The following LAMA1 variants were observed in gnomAD, a reference collection of about 807,000 sequenced individuals.
LAMA1 encodes laminin subunit alpha 1.
LAMA1 carries 219 observed loss-of-function variants against 348.7 expected under a neutral mutation model. The ratio of observed to expected loss-of-function variants is 0.63; its 90% CI spans 0.56 to 0.70. The LOEUF (loss-of-function observed/expected upper bound fraction) is 0.70, where lower values mean the gene tolerates loss of function less well. Ranked by LOEUF, LAMA1 falls within the 30% of genes least tolerant of loss-of-function variation. The pLI, the probability that LAMA1 is intolerant of heterozygous loss-of-function variation, is 0.00. For synonymous variants in LAMA1, 1,487 were observed against 1,491.0 expected, an observed-to-expected ratio of 1.00 and a Z score of 0.06; for missense variants, 3,744 against 3,888.0, an observed-to-expected ratio of 0.96 and a Z score of 0.99.
At chr18:7,089,382 T>C (rs965351857) in intron 1 of LAMA1, among the ~76,000 whole-genome samples, 2 of 152,066 alleles carry the variant, frequency 1.3e-5, no homozygotes, top group Non-Finnish European at 2.9e-5. Flanking sequence ...AAAACGCTGG[T>C]AGGGAAGGTG....
In LAMA1 at chr18:6,996,412, C is replaced by T. The variant is rs112114792; in HGVS notation, c.4807-966G>A. Reference sequence around the variant, plus strand: ...CCTTTTATTGCTACCTGGTGCACTGCATAGATTATGTCAAATTCTAACGCA... The same window carrying T: ...CCTTTTATTGCTACCTGGTGCACTGTATAGATTATGTCAAATTCTAACGCA... On this transcript the variant is annotated intron_variant, in intron 33 of 62. Coordinates refer to ENST00000389658, the MANE Select transcript of LAMA1 (RefSeq NM_005559.4). Among the ~76,000 whole-genome samples the T allele has an allele frequency of 6.4e-4, 98 of 152,272 alleles. No individual in the cohort carries two copies. The South Asian group carries it at 8.5e-3, about 13-fold the overall frequency.
chr18:7,018,520 C>T (rs1367212073), intron 19 of LAMA1, among the ~76,000 whole-genome samples: 5 of 150,536 alleles, frequency 3.3e-5, no homozygotes, highest in Admixed American at 1.3e-4. Context: ...CTCAGCCTCC[C>T]GAGTAGCTGG....
At chr18:7,007,371 C>G in intron 28 of LAMA1, 95 bp from the exon 29 acceptor site, 1 of 1,256,576 alleles carries the variant, frequency 8.0e-7, no homozygotes, top group Non-Finnish European at 1.1e-6. Context: ...TACAAATGGC[C>G]AACAGGTATG....
chr18:7,050,915 T>C lies in LAMA1; in HGVS notation c.367A>G (p.Ile123Val). Residue 123 changes from isoleucine (I) to valine (V), a missense_variant, in exon 4 of 63, where the codon ATC becomes GTC. Around this residue, in one of 3 missense-constraint regions of LAMA1, gnomAD observed 1,529 missense variants for 1,689.4 expected, o/e 0.91. Coordinates refer to ENST00000389658, the MANE Select transcript of LAMA1 (RefSeq NM_005559.4). Reference protein sequence around the residue: ...LRQVFQVAYVIIKAANAPRPG... With the variant: ...LRQVFQVAYVVIKAANAPRPG... ...CGAGGGGCATTGGCAGCTTTAATGATGACATATGCAACTTGAAAGACCTGA... is the reference window on the plus strand; with the variant it reads ...CGAGGGGCATTGGCAGCTTTAATGACGACATATGCAACTTGAAAGACCTGA... 6.2e-7 allele frequency: 1 copy of C among 1,614,152 alleles called. No individual in the cohort carries two copies.
chr18:7,079,635 T>C, intron 3 of LAMA1: 1 of 377,112 alleles, frequency 2.7e-6, no homozygotes, highest in South Asian at 2.4e-5. Context: ...AGGAAATACA[T>C]GTGTTTTCCC....
intron 1 of LAMA1, among the ~76,000 whole-genome samples, chr18:7,116,066 G>C (rs1460488127): frequency 1.3e-5 from 2 of 152,138 alleles, no homozygotes; most frequent in African/African-American, 4.8e-5. Flanking sequence ...AATGCGATAT[G>C]AAACATTAAA....
At chr18:6,978,163 C>T (rs750667349) in intron 43 of LAMA1, 33 bp downstream of exon 43, 4 of 1,613,252 alleles carry the variant, frequency 2.5e-6, no homozygotes, top group South Asian at 1.1e-5. Flanking sequence ...ATGACGCAGA[C>T]GATCATGACT....
intron 4 of LAMA1, among the ~76,000 whole-genome samples, chr18:7,050,326 G>A (rs1434830973): frequency 1.3e-5 from 2 of 152,190 alleles, no homozygotes; most frequent in East Asian, 3.9e-4. Context: ...AGAGTCTCCA[G>A]TGCTCACCAC....
intron 1 of LAMA1, among the ~76,000 whole-genome samples, chr18:7,098,421 C>G (rs572378851): frequency 4.0e-5 from 6 of 150,972 alleles, no homozygotes; most frequent in African/African-American, 1.5e-4. Context: ...TCTTCCCGGC[C>G]GCCATCACAT....
intron 3 of LAMA1, among the ~76,000 whole-genome samples, chr18:7,073,325 T>G (rs575730997): frequency 8.9e-4 from 136 of 152,230 alleles, no homozygotes; most frequent in African/African-American, 2.9e-3. Context: ...GCATTAAGTA[T>G]ATTCACACTG....
At chr18:7,027,296 AT>A (rs1164906867) in intron 16 of LAMA1, among the ~76,000 whole-genome samples, 1 of 152,212 alleles carries the variant, frequency 6.6e-6, no homozygotes, top group Non-Finnish European at 1.5e-5. Context: ...CAAAATGGCC[AT>A]TGTCTATGCA....
chr18:6,973,323 C>G, intron 46 of LAMA1, 116 bp from the exon 47 acceptor site: 1 of 899,444 alleles, frequency 1.1e-6, no homozygotes, highest in South Asian at 1.4e-5. Flanking sequence ...GCAACAGCAC[C>G]CCCCTGCTGG....
At chr18:6,996,215 G>A (rs1197858234) in intron 33 of LAMA1, among the ~76,000 whole-genome samples, 1 of 151,964 alleles carries the variant, frequency 6.6e-6, no homozygotes, top group Non-Finnish European at 1.5e-5. Flanking sequence ...ACATCTCTTA[G>A]AGGTCCCTAA....
intron 14 of LAMA1, among the ~76,000 whole-genome samples, chr18:7,034,158 C>A (rs1448718021): frequency 6.6e-6 from 1 of 152,188 alleles, no homozygotes; most frequent in Non-Finnish European, 1.5e-5. Context: ...AGACCATTAA[C>A]ATTAGGATGG....
chr18:6,997,327 G>C (rs903419751), intron 33 of LAMA1, among the ~76,000 whole-genome samples: 1 of 152,208 alleles, frequency 6.6e-6, no homozygotes, highest in African/African-American at 2.4e-5. Context: ...CCCCCAAAGT[G>C]CTGGGATGCT....
chr18:6,949,380 T>C (rs988215334), intron 58 of LAMA1, 121 bp from the exon 59 acceptor site: 81 of 975,054 alleles, frequency 8.3e-5, no homozygotes, highest in Non-Finnish European at 1.2e-4. Flanking sequence ...AATGCAATGC[T>C]AAAGGAAGGT....
chr18:6,978,421 A>G (rs752059424), intron 42 of LAMA1, 43 bp from the exon 43 acceptor site: 3 of 1,519,122 alleles, frequency 2.0e-6, no homozygotes, highest in East Asian at 4.5e-5. Flanking sequence ...TGGTGCTTAC[A>G]CACAGAGAAA....
chr18:6,943,129 C>T, intron 62 of LAMA1, 51 bp downstream of exon 62: 1 of 1,504,826 alleles, frequency 6.6e-7, no homozygotes, highest in Non-Finnish European at 9.2e-7. Flanking sequence ...ACCAAGACTT[C>T]CTCCAGGGAC....
At chr18:7,017,490 A>C in intron 19 of LAMA1, 106 bp from the exon 20 acceptor site, 1 of 803,038 alleles carries the variant, frequency 1.2e-6, no homozygotes, top group Middle Eastern at 2.7e-4. Context: ...TCAATGTTTC[A>C]AATCACAAAA....
Sources: allele counts gnomAD v4.1 joint callset (sites outside exome capture counted in the v4.1 genomes callset), GRCh38; gene constraint gnomAD v4.1.1; regional missense constraint gnomAD v4.1.1; transcripts MANE v1.5; gene names NCBI Gene and HGNC (gene_info 2026-07-23, HGNC 2026-07-21).